The following HDAC9 variants were observed in gnomAD, a reference collection of about 807,000 sequenced individuals.
HDAC9 encodes the protein histone deacetylase 9, also known as MEF-2 interacting transcription repressor (MITR) protein.
HDAC9 carries 41 observed loss-of-function variants against 139.4 expected under a neutral mutation model. The ratio of observed to expected loss-of-function variants is 0.29; its 90% CI spans 0.23 to 0.38. HDAC9 has a LOEUF of 0.38. Ranked by LOEUF, HDAC9 falls within the 10% of genes least tolerant of loss-of-function variation. The probability of loss-of-function intolerance (pLI) is 1.00; values close to 1 mark genes in which losing one functional copy is unlikely to be tolerated. For synonymous variants in HDAC9, 517 were observed against 476.2 expected, an observed-to-expected ratio of 1.09 and a Z score of -1.12; for missense variants, 1,147 against 1,297.0, an observed-to-expected ratio of 0.88 and a Z score of 1.78.
At chr7:18,963,602 G>C (rs542541441) in intron 24 of HDAC9, among the ~76,000 whole-genome samples, 1 of 152,104 alleles carries the variant, frequency 6.6e-6, no homozygotes, top group Non-Finnish European at 1.5e-5. Context: ...TAGATAAAGA[G>C]TATTCATTTA....
At chr7:18,331,645 A>T (rs602349) in intron 1 of HDAC9, among the ~76,000 whole-genome samples, 1 of 151,540 alleles carries the variant, frequency 6.6e-6, no homozygotes, top group South Asian at 2.1e-4. Flanking sequence ...TTAAAAAAAG[A>T]AGTACAAAAT....
intron 12 of HDAC9, among the ~76,000 whole-genome samples, chr7:18,721,706 C>T (rs1263289971): frequency 3.3e-5 from 5 of 152,234 alleles, no homozygotes; most frequent in African/African-American, 1.2e-4. Context: ...CATTTGGTCC[C>T]TGTGCGATAG....
intron 13 of HDAC9, among the ~76,000 whole-genome samples, chr7:18,731,100 C>G (rs10241000): frequency 0.032 from 4,902 of 152,144 alleles, 262 homozygotes; most frequent in African/African-American, 0.11. Flanking sequence ...ACATGCTGCT[C>G]AGAATGATGC....
intron 2 of HDAC9, among the ~76,000 whole-genome samples, chr7:18,277,470 TAGGTGTGCA>T (rs1474158389): frequency 3.3e-5 from 5 of 152,174 alleles, no homozygotes; most frequent in African/African-American, 4.8e-5. Flanking sequence ...CCTGGAGTAG[TAGGTGTGCA>T]AGGTGGGAGG....
intron 2 of HDAC9, among the ~76,000 whole-genome samples, chr7:18,549,338 A>C (rs1816304997): frequency 6.6e-6 from 1 of 152,220 alleles, no homozygotes; most frequent in African/African-American, 2.4e-5. Context: ...CGCACAGAAT[A>C]TTGTGCACAG....
intron 1 of HDAC9, among the ~76,000 whole-genome samples, chr7:18,398,354 G>A (rs1787240745): frequency 6.6e-6 from 1 of 152,114 alleles, no homozygotes; most frequent in African/African-American, 2.4e-5. Context: ...ATGTAGAAAA[G>A]AAGGTATGCT....
chr7:18,206,281 A>G (rs1219324397), intron 2 of HDAC9, among the ~76,000 whole-genome samples: 1 of 152,208 alleles, frequency 6.6e-6, no homozygotes, highest in Non-Finnish European at 1.5e-5. Context: ...TAAAACTTAA[A>G]CACACATCAA....
intron 1 of HDAC9, among the ~76,000 whole-genome samples, chr7:18,453,306 T>C (rs976656415): frequency 3.9e-5 from 6 of 152,136 alleles, no homozygotes; most frequent in South Asian, 2.1e-4. Flanking sequence ...TACACAAAGG[T>C]CAGCATTGAT....
chr7:18,797,159 A>G (rs1038309484), intron 17 of HDAC9, among the ~76,000 whole-genome samples: 2 of 152,230 alleles, frequency 1.3e-5, no homozygotes, highest in Non-Finnish European at 2.9e-5. Context: ...GCTCAAAGAC[A>G]TTAAGTAACC....
At chr7:18,781,467 A>C (rs891256873) in intron 16 of HDAC9, among the ~76,000 whole-genome samples, 23 of 152,156 alleles carry the variant, frequency 1.5e-4, no homozygotes, top group African/African-American at 5.5e-4. Flanking sequence ...GTGTTTGTAA[A>C]GTGCTTAATA....
chr7:18,687,938 C>A (rs148020209), intron 12 of HDAC9, among the ~76,000 whole-genome samples: 2 of 151,672 alleles, frequency 1.3e-5, no homozygotes, highest in Admixed American at 1.3e-4. Context: ...TAACTTTTTA[C>A]TTTATAGAAT....
chr7:18,604,468 G>A (rs186643683), intron 6 of HDAC9, among the ~76,000 whole-genome samples: 102 of 150,830 alleles, frequency 6.8e-4, no homozygotes, highest in African/African-American at 2.3e-3. Flanking sequence ...GTGCAGTGGC[G>A]TGATCTTGGC....
chr7:18,795,045 A>T (rs963996052), intron 17 of HDAC9, among the ~76,000 whole-genome samples: 3 of 152,150 alleles, frequency 2.0e-5, no homozygotes, highest in Non-Finnish European at 2.9e-5. Flanking sequence ...ATGCACGAAG[A>T]TAGTTGAATA....
At chr7:18,914,254 T>C (rs1802994502) in intron 22 of HDAC9, among the ~76,000 whole-genome samples, 1 of 151,494 alleles carries the variant, frequency 6.6e-6, no homozygotes, top group African/African-American at 2.4e-5. Flanking sequence ...CCTCCAGAAA[T>C]ATGAGAAATA....
chr7:18,476,730 C>G (rs927169115), intron 1 of HDAC9, among the ~76,000 whole-genome samples: 10 of 152,100 alleles, frequency 6.6e-5, no homozygotes, highest in Non-Finnish European at 1.5e-4. Context: ...AGGCAATAAA[C>G]TTATCTGTAT....
chr7:18,365,782 G>T (rs1372044512), intron 1 of HDAC9, among the ~76,000 whole-genome samples: 1 of 152,004 alleles, frequency 6.6e-6, no homozygotes, highest in Non-Finnish European at 1.5e-5. Flanking sequence ...GCAAATTATA[G>T]TTAAGCATTT....
chr7:18,956,375 T>C (rs1168769641), intron 24 of HDAC9, among the ~76,000 whole-genome samples: 1 of 152,156 alleles, frequency 6.6e-6, no homozygotes, highest in Non-Finnish European at 1.5e-5. Context: ...GTCTGTTAGC[T>C]CTGGTTGCTA....
At chr7:18,793,133 C>G (rs531249398) in intron 16 of HDAC9, 1 of 542,488 alleles carries the variant, frequency 1.8e-6, no homozygotes, top group Non-Finnish European at 3.3e-6. Context: ...AAAGTATAAG[C>G]AAAGCCATGT....
intron 12 of HDAC9, among the ~76,000 whole-genome samples, chr7:18,697,594 C>T (rs1286178937): frequency 1.3e-5 from 2 of 152,110 alleles, no homozygotes; most frequent in African/African-American, 4.8e-5. Context: ...TGTAATACCA[C>T]CTATGTTAAG....
Sources: gnomAD v4.1 joint callset for allele counts (sites outside exome capture counted in the v4.1 genomes callset) on GRCh38, gnomAD v4.1.1 for gene constraint, MANE v1.5 for transcripts, NCBI Gene and HGNC (gene_info 2026-07-23, HGNC 2026-07-21) for gene names.